The following MTUS2 variants were observed in gnomAD, a reference collection of about 807,000 sequenced individuals.
The protein encoded by MTUS2 is microtubule-associated tumor suppressor candidate 2.
In MTUS2, 40 loss-of-function variants were observed where a neutral mutation model predicts 114.1. The ratio of observed to expected loss-of-function variants is 0.35; its 90% confidence interval spans 0.27 to 0.46. The LOEUF is 0.46. Ranked by LOEUF, MTUS2 falls within the 20% of genes least tolerant of loss-of-function variation. The pLI is 1.00. For synonymous variants in MTUS2, 688 were observed against 672.0 expected (o/e 1.02, Z -0.37); for missense variants, 1,679 against 1,705.4 (o/e 0.98, Z 0.27).
In MTUS2 at chr13:29,440,164, G is replaced by A. The variant is rs561501847; in HGVS notation, c.3184+115G>A. ...TAAGCCAGTGCAAACCTGCCTAGAT[G>A]AATGAAGTATCTCACCCAGCACAGT... On this transcript the variant is annotated intron_variant, in intron 9 of 15. Coordinates refer to ENST00000612955, the MANE Select transcript of MTUS2 (RefSeq NM_001033602.4). 4 of 978,470 alleles carry A rather than the reference G, an allele frequency of 4.1e-6. No individual in the cohort carries two copies. In the South Asian group the frequency reaches 4.5e-5, roughly 11 times the overall value. 60.6% of individuals were successfully genotyped at this position (978,470 alleles called of 1,614,324 possible).
Position 29,497,257 on chromosome 13 carries a change from C to G in MTUS2, c.3599C>G (p.Thr1200Ser). ...LSLQDQVDTL[T>S]FQSQSLRDRA... ...TTGCAGGACCAGGTGGACACGCTGA[C>G]CTTCCAGAGCCAGTCTCTGCGGGAC... is the stretch of plus-strand genomic sequence containing the variant. Residue 1200 changes from threonine (T) to serine (S), a missense_variant, in exon 13 of 16, where the codon ACC becomes AGC. By Grantham distance (58) the Thr-to-Ser change is moderately conservative (BLOSUM62 1). Transcript: ENST00000612955. 1 of 1,612,206 alleles carries G rather than the reference C, an allele frequency of 6.2e-7. No homozygotes were observed. The highest frequency in any genetic ancestry group is 2.2e-5 in the East Asian group (1 of 44,874).
At chr13:29,377,448 TAAACAC>T (rs1021235071) in intron 8 of MTUS2, among the ~76,000 whole-genome samples, 12 of 152,152 alleles carry the variant, frequency 7.9e-5, no homozygotes, top group Admixed American at 2.0e-4. Flanking sequence ...ATTTGTGAGT[TAAACAC>T]AAACCAATAA....
intron 5 of MTUS2, chr13:29,239,473 A>G (rs535697633): frequency 6.6e-6 from 1 of 152,342 alleles, no homozygotes; most frequent in East Asian, 1.9e-4. Context: ...GTATATAATT[A>G]TAGGAACTAT....
chr13:28,858,739 G>C (rs989535645), intron 2 of MTUS2, among the ~76,000 whole-genome samples: 10 of 152,168 alleles, frequency 6.6e-5, no homozygotes, highest in Admixed American at 5.9e-4. Context: ...AGAGGGGACA[G>C]GGAGTAGGGT....
intron 2 of MTUS2, among the ~76,000 whole-genome samples, chr13:28,883,589 G>A (rs184321898): frequency 2.8e-4 from 43 of 152,282 alleles, no homozygotes; most frequent in African/African-American, 1.0e-3. Context: ...TAACACTTTT[G>A]AAGTAACAAA....
chr13:29,059,053 A>G (rs1246778962), intron 4 of MTUS2, among the ~76,000 whole-genome samples: 3 of 151,872 alleles, frequency 2.0e-5, no homozygotes, highest in Non-Finnish European at 4.4e-5. Flanking sequence ...TCTGAATTCT[A>G]TTCCTGTCAT....
chr13:28,827,031 A>G (rs570213778), intron 1 of MTUS2, among the ~76,000 whole-genome samples: 16 of 152,374 alleles, frequency 1.1e-4, no homozygotes, highest in Middle Eastern at 6.8e-3. Context: ...GTATTTTTCT[A>G]CACACAAATA....
At chr13:29,011,024 T>A (rs1001802542) in intron 2 of MTUS2, among the ~76,000 whole-genome samples, 1 of 152,088 alleles carries the variant, frequency 6.6e-6, no homozygotes, top group Admixed American at 6.5e-5. Flanking sequence ...TGCCAAACAC[T>A]TATGCATACA....
intron 2 of MTUS2, among the ~76,000 whole-genome samples, chr13:29,017,393 G>A (rs866304198): frequency 6.6e-6 from 1 of 152,176 alleles, no homozygotes; most frequent in African/African-American, 2.4e-5. Flanking sequence ...CATGGTGGTT[G>A]AATGTACATA....
intron 1 of MTUS2, among the ~76,000 whole-genome samples, chr13:28,824,461 T>C (rs1473818085): frequency 1.3e-5 from 2 of 152,170 alleles, no homozygotes; most frequent in African/African-American, 4.8e-5. Context: ...CCCCCTTGCC[T>C]GATTGCTGTA....
At chr13:29,079,562 T>C (rs1270571963) in intron 4 of MTUS2, among the ~76,000 whole-genome samples, 2 of 152,230 alleles carry the variant, frequency 1.3e-5, no homozygotes, top group African/African-American at 4.8e-5. Context: ...CTTGAAGCTT[T>C]TAATTCATTT....
intron 6 of MTUS2, among the ~76,000 whole-genome samples, chr13:29,323,589 TAAGAA>T (rs1900352086): frequency 6.6e-6 from 1 of 152,124 alleles, no homozygotes; most frequent in Non-Finnish European, 1.5e-5. Context: ...AATACACTGA[TAAGAA>T]AAAGATCTCC....
chr13:29,219,112 T>G, intron 5 of MTUS2, among the ~76,000 whole-genome samples: 1 of 116,244 alleles, frequency 8.6e-6, no homozygotes. Flanking sequence ...CCCAATGCTA[T>G]CCCTCCCCCC....
At chr13:29,392,082 T>G (rs1385644526) in intron 8 of MTUS2, among the ~76,000 whole-genome samples, 1 of 136,462 alleles carries the variant, frequency 7.3e-6, no homozygotes, top group Non-Finnish European at 1.5e-5. Flanking sequence ...GAGCCGAGGT[T>G]GCACCACTGC....
intron 8 of MTUS2, among the ~76,000 whole-genome samples, chr13:29,424,219 G>A (rs560767402): frequency 1.4e-4 from 21 of 152,168 alleles, no homozygotes; most frequent in African/African-American, 4.1e-4. Context: ...GATTTAGAAT[G>A]TTCCCAACAC....
chr13:28,960,472 T>C (rs1883276577), intron 2 of MTUS2, among the ~76,000 whole-genome samples: 1 of 152,136 alleles, frequency 6.6e-6, no homozygotes, highest in Non-Finnish European at 1.5e-5. Context: ...GTAGAAACAA[T>C]ACAAGTGCAT....
intron 8 of MTUS2, among the ~76,000 whole-genome samples, chr13:29,435,387 T>C (rs1344598324): frequency 6.6e-6 from 1 of 152,214 alleles, no homozygotes; most frequent in Non-Finnish European, 1.5e-5. Context: ...AGAGAGGCAC[T>C]GATCTAACCC....
At chr13:28,999,692 C>A (rs528497245) in intron 2 of MTUS2, among the ~76,000 whole-genome samples, 1 of 152,270 alleles carries the variant, frequency 6.6e-6, no homozygotes, top group African/African-American at 2.4e-5. Flanking sequence ...ACTGTAGTCA[C>A]CCTACTGTGC....
At chr13:29,070,674 ACTGTTTGAAACTTGTCTCT>A (rs138449187) in intron 4 of MTUS2, among the ~76,000 whole-genome samples, 27,262 of 151,858 alleles carry the variant, frequency 0.18, 2,878 homozygotes, top group Non-Finnish European at 0.24. Flanking sequence ...GATTTGTTAA[ACTGTTTGAAACTTGTCTCT>A]CTGTTTGAAA....
Sources: allele counts gnomAD v4.1 joint callset (sites outside exome capture counted in the v4.1 genomes callset), GRCh38; gene constraint gnomAD v4.1.1; transcripts MANE v1.5; gene names NCBI Gene and HGNC (gene_info 2026-07-23, HGNC 2026-07-21).